PDXDC1: variants seen among roughly 807,000 people sequenced by gnomAD.
PDXDC1 encodes pyridoxal dependent decarboxylase domain containing 1.
In PDXDC1, 42 loss-of-function variants were observed where a neutral mutation model predicts 100.1. The ratio of observed to expected loss-of-function variants is 0.42; its 90% CI spans 0.33 to 0.54. The LOEUF is 0.54. PDXDC1 is among the 20% of genes least tolerant of loss of function. The probability of loss-of-function intolerance (pLI) is 0.10; values close to 1 mark genes in which losing one functional copy is unlikely to be tolerated. For missense variants in PDXDC1, 636 were observed against 979.2 expected (o/e 0.65, Z 4.68); for synonymous variants, 260 against 371.7 (o/e 0.70, Z 3.46).
chr16:15,027,910 G>C (rs1423777247), intron 14 of PDXDC1, among the ~76,000 whole-genome samples: 1 of 152,272 alleles, frequency 6.6e-6, no homozygotes, highest in Non-Finnish European at 1.5e-5. Flanking sequence ...TAGGTCCGTG[G>C]GGGTAGAGTC....
downstream of PDXDC1, among the ~76,000 whole-genome samples, chr16:15,143,234 G>A (rs972447129): frequency 1.3e-5 from 2 of 152,128 alleles, no homozygotes; most frequent in African/African-American, 4.8e-5. Context: ...ACCACTGGGT[G>A]GAGAAGGAAG....
intron 18 of PDXDC1, 55 bp from the exon 19 acceptor site, chr16:15,033,223 G>T: frequency 6.3e-7 from 1 of 1,599,596 alleles, no homozygotes; most frequent in African/African-American, 1.3e-5. Context: ...GTAGGTCCAC[G>T]TCTCACCCAT....
At chr16:15,011,623 ATTTTTTTC>A (rs2041270166) in intron 8 of PDXDC1, among the ~76,000 whole-genome samples, 2 of 97,994 alleles carry the variant, frequency 2.0e-5, no homozygotes, top group Non-Finnish European at 4.6e-5. Flanking sequence ...TTTGCAAAAC[ATTTTTTTC>A]TTTTTTTTTT....
At chr16:15,063,536 A>G (rs559443409) in intron 16 of PDXDC1, among the ~76,000 whole-genome samples, 1 of 151,932 alleles carries the variant, frequency 6.6e-6, no homozygotes, top group African/African-American at 2.4e-5. Flanking sequence ...GTGAAACCCC[A>G]TCTCTACTAA....
At chr16:15,062,492 C>T (rs1252726094) in intron 16 of PDXDC1, among the ~76,000 whole-genome samples, 4 of 152,200 alleles carry the variant, frequency 2.6e-5, no homozygotes, top group African/African-American at 9.7e-5. Flanking sequence ...AGCAACAGAG[C>T]AGCGAAATTC....
intron 16 of PDXDC1, among the ~76,000 whole-genome samples, chr16:15,053,373 G>C (rs2044370145): frequency 6.6e-6 from 1 of 152,170 alleles, no homozygotes; most frequent in Non-Finnish European, 1.5e-5. Flanking sequence ...TTATTTGCTA[G>C]TCATAGCTAC....
At chr16:15,131,181 G>C in intron 16 of PDXDC1, 7 of 1,588,610 alleles carry the variant, frequency 4.4e-6, no homozygotes, top group Non-Finnish European at 6.0e-6. Context: ...CCTGGGGCTG[G>C]ACCACAACGG....
intron 1 of PDXDC1, among the ~76,000 whole-genome samples, chr16:14,992,823 C>T (rs1471729644): frequency 2.0e-5 from 3 of 152,364 alleles, no homozygotes; most frequent in Admixed American, 6.5e-5. Context: ...AAATGTTAGA[C>T]CAGAATCAGA....
In PDXDC1 at chr16:14,984,495, A is replaced by ATATT. The variant is rs1555542734; in HGVS notation, c.21+9276_21+9277insATTT. ...TGTATACATATATATATATATATAT[A>ATATT]TTTTTTTTTTTTTTTTTTCTGAGAC... On this transcript the variant is annotated intron_variant, in intron 1 of 22. Coordinates refer to ENST00000396410, the MANE Select transcript of PDXDC1 (RefSeq NM_015027.4). Among the ~76,000 whole-genome samples the ATATT allele has an allele frequency of 8.4e-3, 621 of 73,582 alleles. 1 individual carries two copies. Among genetic ancestry groups the ATATT allele is most frequent in the Non-Finnish European group, 0.011 (455 of 41,460 alleles). 48.3% of individuals were successfully genotyped at this position (73,582 alleles called of 152,430 possible). A position where few individuals can be genotyped will look rare whatever the true frequency, so the allele number is the denominator to read the frequency against.
At chr16:15,098,527 G>T (rs182415067) in intron 16 of PDXDC1, among the ~76,000 whole-genome samples, 1 of 151,804 alleles carries the variant, frequency 6.6e-6, no homozygotes, top group African/African-American at 2.4e-5. Flanking sequence ...TTTAGAAATT[G>T]TTCATCTGGA....
intron 6 of PDXDC1, among the ~76,000 whole-genome samples, chr16:15,007,319 C>T (rs543135961): frequency 1.4e-4 from 21 of 152,310 alleles, no homozygotes; most frequent in East Asian, 3.9e-4. Context: ...TACAGGTGCC[C>T]GCCACCACGC....
intron 16 of PDXDC1, chr16:15,125,516 G>C: frequency 6.7e-7 from 1 of 1,499,038 alleles, no homozygotes; most frequent in Non-Finnish European, 9.3e-7. Flanking sequence ...ACAGTGACCT[G>C]CACCAGGGCT....
In PDXDC1 at chr16:15,037,872, T is replaced by TTTTA. The variant is rs1407219607; in HGVS notation, c.*1601_*1604dup. ...AACAAATGCCTTTGCCAAAATAAGG[T>TTTTA]TTTATTTTGAAAGTCATTTGATGAA... On this transcript the variant is annotated 3_prime_UTR_variant, in exon 23 of 23. Transcript: ENST00000396410. The TTTTA allele has an allele frequency of 1.9e-6, 1 of 535,924 alleles. No individual in the cohort carries two copies. Among genetic ancestry groups the TTTTA allele is most frequent in the East Asian group, 3.0e-5 (1 of 33,528 alleles). 33.2% of individuals were successfully genotyped at this position (535,924 alleles called of 1,614,324 possible). A position where few individuals can be genotyped will look rare whatever the true frequency, so the allele number is the denominator to read the frequency against.
intron 1 of PDXDC1, among the ~76,000 whole-genome samples, chr16:14,981,538 G>GT (rs1311325625): frequency 6.6e-6 from 1 of 152,288 alleles, no homozygotes; most frequent in African/African-American, 2.4e-5. Context: ...AAACAGTAAA[G>GT]TTTTTAGAAA....
chr16:15,040,269 G>A, downstream of PDXDC1: 1 of 435,328 alleles, frequency 2.3e-6, no homozygotes, highest in South Asian at 5.5e-5. Flanking sequence ...TGAGGCTCGA[G>A]CTGGACTCGG....
intron 16 of PDXDC1, chr16:15,135,783 C>T (rs2048320278): frequency 2.5e-6 from 4 of 1,586,292 alleles, no homozygotes; most frequent in African/African-American, 2.7e-5. Context: ...GAGCCACCCT[C>T]AGTGATGGGC....
At chr16:14,995,250 C>T (rs1045640179) in intron 1 of PDXDC1, among the ~76,000 whole-genome samples, 4 of 152,300 alleles carry the variant, frequency 2.6e-5, no homozygotes, top group African/African-American at 9.6e-5. Context: ...CCAGTTTTTG[C>T]CCATTCAGTA....
chr16:15,047,188 TG>T, intron 16 of PDXDC1: 1 of 512,132 alleles, frequency 2.0e-6, no homozygotes, highest in Non-Finnish European at 3.5e-6. Flanking sequence ...TCGACGTTCC[TG>T]AGACGACATC....
Position 15,104,347 on chromosome 16 carries a change from T to G in PDXDC1, c.1400-34532T>G. 3.1e-6 allele frequency: 5 copies of G among 1,594,410 alleles called. No individual in the cohort carries two copies. The South Asian group carries it at 5.5e-5, about 18-fold the overall frequency. ...TTTTATATTATTTATTTATTCTTCG[T>G]TAGTTTCTTCAGATTATCATCCACT... On this transcript the variant is annotated intron_variant, in intron 16 of 16. Coordinates refer to the PDXDC1 transcript ENST00000535621.
Sources: gnomAD v4.1 joint callset for allele counts (sites outside exome capture counted in the v4.1 genomes callset) on GRCh38, gnomAD v4.1.1 for gene constraint, MANE v1.5 for transcripts, NCBI Gene and HGNC (gene_info 2026-07-23, HGNC 2026-07-21) for gene names.